The following ADAMTS12 variants were observed in gnomAD, a reference collection of about 807,000 sequenced individuals.
ADAMTS12 encodes A disintegrin and metalloproteinase with thrombospondin motifs 12.
In ADAMTS12, 118 loss-of-function variants were observed where a neutral mutation model predicts 167.8. The ratio of observed to expected loss-of-function variants is 0.70; its 90% confidence interval spans 0.61 to 0.82. The LOEUF (loss-of-function observed/expected upper bound fraction) is 0.82, where lower values mean the gene tolerates loss of function less well. Ranked by LOEUF, ADAMTS12 falls within the 40% of genes least tolerant of loss-of-function variation. The pLI, the probability that ADAMTS12 is intolerant of heterozygous loss-of-function variation, is 0.00. For synonymous variants in ADAMTS12, 704 were observed against 716.9 expected, an observed-to-expected ratio of 0.98 and a Z score of 0.29; for missense variants, 1,916 against 1,998.8, an observed-to-expected ratio of 0.96 and a Z score of 0.79.
At chr5:33,750,006 G>A (rs1304924738) in intron 3 of ADAMTS12, among the ~76,000 whole-genome samples, 1 of 152,116 alleles carries the variant, frequency 6.6e-6, no homozygotes, top group East Asian at 1.9e-4. Context: ...TGATGTTCTA[G>A]TGATTTAAAA....
At chr5:33,615,687 A>G (rs1738965223) in intron 15 of ADAMTS12, 141 bp downstream of exon 15, 1 of 1,182,180 alleles carries the variant, frequency 8.5e-7, no homozygotes. Flanking sequence ...GCACAAACTA[A>G]TATCTCATTC....
chr5:33,646,764 A>G (rs1008654085), intron 9 of ADAMTS12, among the ~76,000 whole-genome samples: 1 of 152,212 alleles, frequency 6.6e-6, no homozygotes, highest in Admixed American at 6.5e-5. Flanking sequence ...GGAGAAACAG[A>G]TGCACATAGA....
At chr5:33,859,477 G>C (rs1322566547) in intron 2 of ADAMTS12, among the ~76,000 whole-genome samples, 1 of 152,234 alleles carries the variant, frequency 6.6e-6, no homozygotes, top group African/African-American at 2.4e-5. Flanking sequence ...TCTCTAAGCA[G>C]GGCATCTCTG....
chr5:33,846,444 T>C (rs1362695319), intron 2 of ADAMTS12, among the ~76,000 whole-genome samples: 2 of 152,234 alleles, frequency 1.3e-5, no homozygotes, highest in African/African-American at 2.4e-5. Flanking sequence ...AAGCCAGTAA[T>C]AGAATTGAGT....
chr5:33,565,324 A>G (rs1352563599), intron 19 of ADAMTS12, among the ~76,000 whole-genome samples: 1 of 152,020 alleles, frequency 6.6e-6, no homozygotes, highest in Non-Finnish European at 1.5e-5. Flanking sequence ...TCTAATTTTT[A>G]TATTTTTTTT....
chr5:33,740,515 G>T (rs1298679599), intron 3 of ADAMTS12, among the ~76,000 whole-genome samples: 1 of 152,218 alleles, frequency 6.6e-6, no homozygotes, highest in African/African-American at 2.4e-5. Context: ...AGGGATGTGT[G>T]TGGTACCTGG....
chr5:33,657,652 T>A (rs1045886225), intron 7 of ADAMTS12, among the ~76,000 whole-genome samples: 1 of 152,174 alleles, frequency 6.6e-6, no homozygotes, highest in Non-Finnish European at 1.5e-5. Context: ...TCTTTCCAAA[T>A]TTACAGCAGT....
chr5:33,687,232 A>T (rs1413739964), intron 3 of ADAMTS12, among the ~76,000 whole-genome samples: 1 of 152,108 alleles, frequency 6.6e-6, no homozygotes, highest in Non-Finnish European at 1.5e-5. Flanking sequence ...TCTATTTGAA[A>T]TTTTTCAACA....
intron 16 of ADAMTS12, among the ~76,000 whole-genome samples, chr5:33,596,408 G>T (rs895318084): frequency 6.6e-6 from 1 of 152,148 alleles, no homozygotes; most frequent in African/African-American, 2.4e-5. Flanking sequence ...TAGGTTGGGC[G>T]CAGTGGCTCA....
intron 2 of ADAMTS12, among the ~76,000 whole-genome samples, chr5:33,810,708 T>C (rs1318131355): frequency 6.6e-6 from 1 of 152,198 alleles, no homozygotes; most frequent in Non-Finnish European, 1.5e-5. Context: ...CATCCAGGAA[T>C]TTTGCCCTAA....
chr5:33,578,589 C>G (rs1746881003), intron 18 of ADAMTS12, among the ~76,000 whole-genome samples: 1 of 151,932 alleles, frequency 6.6e-6, no homozygotes, highest in Non-Finnish European at 1.5e-5. Flanking sequence ...ACTCTTTTAC[C>G]TGGAAAAAAA....
At chr5:33,702,237 T>C (rs932986344) in intron 3 of ADAMTS12, among the ~76,000 whole-genome samples, 1 of 152,206 alleles carries the variant, frequency 6.6e-6, no homozygotes, top group African/African-American at 2.4e-5. Context: ...TAATTGATGT[T>C]AATAATTTAT....
intron 16 of ADAMTS12, among the ~76,000 whole-genome samples, chr5:33,608,034 G>A (rs1407150024): frequency 1.3e-5 from 2 of 152,214 alleles, no homozygotes; most frequent in Admixed American, 6.5e-5. Context: ...CAGTGAAAGA[G>A]CTTCCAGATG....
At chr5:33,575,767 G>C (rs1243454748) in intron 19 of ADAMTS12, among the ~76,000 whole-genome samples, 1 of 152,134 alleles carries the variant, frequency 6.6e-6, no homozygotes, top group Non-Finnish European at 1.5e-5. Flanking sequence ...ACATCCTTCA[G>C]AATTGTACAC....
In ADAMTS12 at chr5:33,683,136, C is replaced by T. The variant is rs115115182; in HGVS notation, c.832-35G>A. ...GAAATAGAAAACCATTAGCTCCACACGAAGAGATAATAAATAAATACCAGA... is the reference window on the plus strand; with the variant it reads ...GAAATAGAAAACCATTAGCTCCACATGAAGAGATAATAAATAAATACCAGA... On this transcript the variant is annotated intron_variant, in intron 4 of 23. Transcript: ENST00000504830. 2.3e-4 allele frequency: 332 copies of T among 1,454,518 alleles called. 1 individual carries two copies. In the African/African-American group the frequency reaches 3.9e-3, roughly 17 times the overall value. The allele number at this position is 1,454,518 out of a possible 1,614,324, so 90.1% of individuals were successfully genotyped here.
At chr5:33,668,393 C>T (rs1471312397) in intron 5 of ADAMTS12, among the ~76,000 whole-genome samples, 1 of 152,164 alleles carries the variant, frequency 6.6e-6, no homozygotes, top group East Asian at 1.9e-4. Flanking sequence ...TAAGGGGACA[C>T]CTGTAATTGT....
At chr5:33,615,689 A>T in intron 15 of ADAMTS12, 139 bp downstream of exon 15, 2 of 1,194,256 alleles carry the variant, frequency 1.7e-6, no homozygotes, top group Non-Finnish European at 2.3e-6. Flanking sequence ...ACAAACTAAT[A>T]TCTCATTCCC....
intron 2 of ADAMTS12, among the ~76,000 whole-genome samples, chr5:33,843,044 C>A (rs950040200): frequency 1.3e-5 from 2 of 152,182 alleles, no homozygotes; most frequent in Non-Finnish European, 2.9e-5. Context: ...TTGGTGATCA[C>A]CCAGACAAAC....
chr5:33,830,916 T>C (rs1403652658), intron 2 of ADAMTS12, among the ~76,000 whole-genome samples: 1 of 152,160 alleles, frequency 6.6e-6, no homozygotes, highest in Non-Finnish European at 1.5e-5. Context: ...AAAGAATTCT[T>C]TCTTATTTTC....
Sources: gnomAD v4.1 joint callset for allele counts (sites outside exome capture counted in the v4.1 genomes callset) on GRCh38, gnomAD v4.1.1 for gene constraint, MANE v1.5 for transcripts, NCBI Gene and HGNC (gene_info 2026-07-23, HGNC 2026-07-21) for gene names.